CDH4: variants seen among roughly 807,000 people sequenced by gnomAD.
CDH4 encodes the protein cadherin 4.
In CDH4, 33 loss-of-function variants were observed where a neutral mutation model predicts 86.0. The observed-to-expected ratio is 0.38, with a 90% confidence interval of 0.29 to 0.51. The LOEUF (loss-of-function observed/expected upper bound fraction) is 0.51. Among genes scored for constraint, CDH4 ranks in the 20% least tolerant of loss-of-function variants. CDH4 has a pLI of 0.86. For missense variants in CDH4, 1,114 were observed against 1,307.4 expected (o/e 0.85, Z 2.28); for synonymous variants, 555 against 549.4 (o/e 1.01, Z -0.14).
At position 61,807,823 on chromosome 20, in the gene CDH4, T is replaced by C. The variant is rs1041584928; in HGVS notation, c.576+34641T>C. On this transcript the variant is annotated intron_variant, in intron 4 of 15. Coordinates refer to ENST00000614565, the MANE Select transcript of CDH4 (RefSeq NM_001794.5). This position sits in a 1 kb window ranked among gnomAD's most constrained non-coding sequence, Gnocchi z 4.5. ...AGGACGTCTCTGCACACAGCACATA[T>C]CCATGCAGGATGGTCAGTACTGTCG... Among the ~76,000 whole-genome samples, 10 of 152,222 alleles carry C rather than the reference T, an allele frequency of 6.6e-5. No homozygotes were observed. The highest frequency in any genetic ancestry group is 2.4e-4 in the African/African-American group (10 of 41,550).
chr20:61,395,386 A>C (rs1380990740), intron 2 of CDH4, among the ~76,000 whole-genome samples: 4 of 152,172 alleles, frequency 2.6e-5, no homozygotes, highest in African/African-American at 4.8e-5. Context: ...TTTTGCTCAT[A>C]TATGACATAT....
At chr20:61,665,945 G>A (rs564145400) in intron 2 of CDH4, among the ~76,000 whole-genome samples, 69 of 152,312 alleles carry the variant, frequency 4.5e-4, no homozygotes, top group African/African-American at 1.4e-3. Context: ...TTAAGGTCAC[G>A]CGTTGGAAGG....
At chr20:61,826,394 G>A (rs1235036414) in intron 4 of CDH4, among the ~76,000 whole-genome samples, 1 of 152,202 alleles carries the variant, frequency 6.6e-6, no homozygotes, top group African/African-American at 2.4e-5. Flanking sequence ...CAACACCCAC[G>A]TGGCTTGTCT....
chr20:61,659,241 C>T (rs954422450), intron 2 of CDH4, among the ~76,000 whole-genome samples: 23 of 152,164 alleles, frequency 1.5e-4, no homozygotes, highest in Middle Eastern at 3.2e-3. Flanking sequence ...TCTTGTACAT[C>T]GGGTTAGTGT....
chr20:61,758,613 G>A (rs1293359261), intron 3 of CDH4, among the ~76,000 whole-genome samples: 1 of 152,172 alleles, frequency 6.6e-6, no homozygotes, highest in African/African-American at 2.4e-5. Context: ...GGTCCGTGAA[G>A]TTGTCCTGAG....
At chr20:61,437,190 C>G (rs752749964) in intron 2 of CDH4, 1 of 152,314 alleles carries the variant, frequency 6.6e-6, no homozygotes, top group Non-Finnish European at 1.5e-5. Flanking sequence ...CCCCCGCCCC[C>G]CTTGTCTTGC....
At chr20:61,654,523 T>C (rs115680873) in intron 2 of CDH4, among the ~76,000 whole-genome samples, 1 of 152,234 alleles carries the variant, frequency 6.6e-6, no homozygotes, top group East Asian at 1.9e-4. Context: ...TGAGAAGCAA[T>C]ATAATCTTCA....
intron 2 of CDH4, among the ~76,000 whole-genome samples, chr20:61,556,522 G>A (rs371417554): frequency 1.3e-5 from 2 of 152,202 alleles, no homozygotes; most frequent in East Asian, 1.9e-4. Context: ...AGAAGCTTGA[G>A]TGTTTTCTTA....
At chr20:61,705,761 A>G (rs540898046) in intron 2 of CDH4, among the ~76,000 whole-genome samples, 40 of 152,318 alleles carry the variant, frequency 2.6e-4, no homozygotes, top group African/African-American at 8.9e-4. Context: ...GAGCCCAGTG[A>G]TGTTTTAAAT....
intron 2 of CDH4, among the ~76,000 whole-genome samples, chr20:61,686,520 CGT>C (rs1568755554): frequency 2.1e-5 from 3 of 141,832 alleles, no homozygotes; most frequent in South Asian, 4.6e-4. Flanking sequence ...TGTGTGCATT[CGT>C]GTGTGCATTT....
intron 2 of CDH4, among the ~76,000 whole-genome samples, chr20:61,302,108 A>T (rs2084389194): frequency 1.3e-5 from 2 of 152,236 alleles, no homozygotes; most frequent in Non-Finnish European, 2.9e-5. Flanking sequence ...CAAAGTAAGG[A>T]GACTCCACTA....
chr20:61,296,653 T>C (rs1176085733), intron 2 of CDH4, among the ~76,000 whole-genome samples: 1 of 152,178 alleles, frequency 6.6e-6, no homozygotes, highest in Non-Finnish European at 1.5e-5. Flanking sequence ...TCTGTTCGAT[T>C]TCATTTTAAA....
At chr20:61,314,198 G>T (rs917042190) in intron 2 of CDH4, among the ~76,000 whole-genome samples, 5 of 152,168 alleles carry the variant, frequency 3.3e-5, no homozygotes, top group Non-Finnish European at 7.3e-5. Flanking sequence ...CCTGGTCTCT[G>T]AGCTGTACCT....
chr20:61,699,638 G>A (rs1451500678), intron 2 of CDH4, among the ~76,000 whole-genome samples: 1 of 152,138 alleles, frequency 6.6e-6, no homozygotes, highest in African/African-American at 2.4e-5. Flanking sequence ...AACCTTTCTC[G>A]AGCCTGTGTA....
chr20:61,599,102 C>A (rs1360242145), intron 2 of CDH4, among the ~76,000 whole-genome samples: 1 of 152,194 alleles, frequency 6.6e-6, no homozygotes, highest in East Asian at 1.9e-4. Context: ...TTTTCAGGGA[C>A]CTCCAATCCG....
intron 2 of CDH4, among the ~76,000 whole-genome samples, chr20:61,565,315 G>GGTGGTGGTGGTGGTGGTC (rs879346093): frequency 1.1e-5 from 1 of 88,336 alleles, no homozygotes; most frequent in Non-Finnish European, 2.5e-5. Context: ...TCTTGGTGGT[G>GGTGGTGGTGGTGGTGGTC]GCGGTGCTCT....
intron 2 of CDH4, among the ~76,000 whole-genome samples, chr20:61,264,916 C>A (rs1458181883): frequency 6.8e-5 from 10 of 146,860 alleles, no homozygotes; most frequent in African/African-American, 2.6e-4. Context: ...CAGTCCTACA[C>A]ATACCTCAGT....
chr20:61,752,666 C>T (rs1673175928), intron 3 of CDH4, among the ~76,000 whole-genome samples: 1 of 152,184 alleles, frequency 6.6e-6, no homozygotes, highest in African/African-American at 2.4e-5. Context: ...CAGTGGGCTC[C>T]TAAAGTGGAA....
chr20:61,622,247 G>A (rs1386246106), intron 2 of CDH4, among the ~76,000 whole-genome samples: 11 of 152,250 alleles, frequency 7.2e-5, no homozygotes, highest in Admixed American at 7.2e-4. Context: ...ATGTGTTTAT[G>A]GAGTAATGTG....
Sources: allele counts gnomAD v4.1 joint callset (sites outside exome capture counted in the v4.1 genomes callset), GRCh38; gene constraint gnomAD v4.1.1; non-coding constraint Gnocchi (gnomAD v3.1); transcripts MANE v1.5; gene names NCBI Gene and HGNC (gene_info 2026-07-23, HGNC 2026-07-21).